CCNA2: variants seen among roughly 807,000 people sequenced by gnomAD.
CCNA2 encodes cyclin A2.
In CCNA2, 3 loss-of-function variants were observed where a neutral mutation model predicts 49.4. The ratio of observed to expected loss-of-function variants is 0.06; its 90% confidence interval spans 0.03 to 0.16. The LOEUF is 0.16. Ranked by LOEUF, CCNA2 falls within the 10% of genes least tolerant of loss-of-function variation. The pLI, the probability that CCNA2 is intolerant of heterozygous loss-of-function variation, is 1.00. For missense variants in CCNA2, 372 were observed against 519.7 expected, an observed-to-expected ratio of 0.72 and a Z score of 2.76; for synonymous variants, 206 against 197.2, an observed-to-expected ratio of 1.04 and a Z score of -0.37.
rs1157417493 is a variant in CCNA2 at position 121,823,833 on chromosome 4, T to G, written c.-205A>C. ...GGTTGCGAAAGGCGCAGGCAGGCAC[T>G]GCCCAGCGTGGCGAGCCAAAGACGC... On this transcript the variant is annotated 5_prime_UTR_variant, in exon 1 of 8. Coordinates refer to ENST00000274026, the MANE Select transcript of CCNA2 (RefSeq NM_001237.5). 2 of 938,914 alleles carry G rather than the reference T, an allele frequency of 2.1e-6. No homozygotes were observed. The highest frequency in any genetic ancestry group is 3.4e-5 in the Admixed American group (1 of 29,334). 58.2% of individuals were successfully genotyped at this position (938,914 alleles called of 1,614,324 possible).
At chr4:121,817,854 CCCTT>C (rs1482783217) in intron 7 of CCNA2, among the ~76,000 whole-genome samples, 168 bp from the exon 8 acceptor site, 1 of 152,120 alleles carries the variant, frequency 6.6e-6, no homozygotes, top group Admixed American at 6.6e-5. Flanking sequence ...CATGCATGCC[CCCTT>C]CCTTCTCTCT....
intron 2 of CCNA2, among the ~76,000 whole-genome samples, chr4:121,821,645 G>A (rs180785364): frequency 6.6e-6 from 1 of 152,146 alleles, no homozygotes; most frequent in Non-Finnish European, 1.5e-5. Context: ...GAAGCAAAGA[G>A]TATCATCCAT....
In CCNA2 at chr4:121,820,602, G is replaced by C. The variant is rs1724669057; in HGVS notation, c.734C>G (p.Ser245Cys). ...AVNYIDRFLS[S>C]MSVLRGKLQL... ...AAGTTTTCCTCTCAGCACTGACATG[G>C]AAGACAGGAACCTATCAATGTAGTT... is the stretch of plus-strand genomic sequence containing the variant. The change falls in exon 4 of 8, where the codon TCC becomes TGC. Residue 245 changes from serine to cysteine, a missense_variant. Coordinates refer to ENST00000274026, the MANE Select transcript of CCNA2 (RefSeq NM_001237.5). The surrounding 1 kb of genome is among the most constrained non-coding windows in gnomAD (Gnocchi z 4.1). The C allele has an allele frequency of 6.2e-7, 1 of 1,614,138 alleles. No homozygotes were observed. Among genetic ancestry groups the C allele is most frequent in the African/African-American group, 1.3e-5 (1 of 75,028 alleles).
At chr4:121,817,958 GCAGATTCATGAATA>G in intron 7 of CCNA2, 72 bp downstream of exon 7, 5 of 1,318,436 alleles carry the variant, frequency 3.8e-6, no homozygotes, top group Non-Finnish European at 5.3e-6. Flanking sequence ...GGAGGCTATG[GCAGATTCATGAATA>G]AGGTTAAAAT....
In CCNA2 at chr4:121,817,502, AATAG is replaced by A. The variant is rs149481287; in HGVS notation, c.*132_*135del. ...TACAAATTAAAACCATTTAAAAAGTAATAGATACCATAATTTGTACTTGGCCACA... is the reference window on the plus strand; with the variant it reads ...TACAAATTAAAACCATTTAAAAAGTAATACCATAATTTGTACTTGGCCACA... On this transcript the variant is annotated 3_prime_UTR_variant, in exon 8 of 8. Transcript: ENST00000274026. 8 of 969,996 alleles carry A rather than the reference AATAG, an allele frequency of 8.2e-6. No homozygotes were observed. Among genetic ancestry groups the A allele is most frequent in the Middle Eastern group, 6.4e-4 (2 of 3,140 alleles). The allele number at this position is 969,996 out of a possible 1,614,324, so 60.1% of individuals were successfully genotyped here.
In CCNA2 at chr4:121,816,818, CCAGTGAAAAGAAGAAAAAAGA is replaced by C. The variant is rs1413221592; in HGVS notation, c.*799_*819del. On this transcript the variant is annotated 3_prime_UTR_variant, in exon 8 of 8. Transcript: ENST00000274026. Reference sequence around the variant, plus strand: ...ACAAGAAAAAGCACCAAGTAAAAAGCCAGTGAAAAGAAGAAAAAAGAAGAGAGCTGCCAATTAAAGCTAACA... The same window carrying C: ...ACAAGAAAAAGCACCAAGTAAAAAGCAGAGAGCTGCCAATTAAAGCTAACA... 1.9e-6 allele frequency: 3 copies of C among 1,599,950 alleles called. No individual in the cohort carries two copies. The highest frequency in any genetic ancestry group is 2.6e-6 in the Non-Finnish European group (3 of 1,171,810).
chr4:121,823,393 G>A, intron 1 of CCNA2, 23 bp downstream of exon 1: 1 of 1,599,242 alleles, frequency 6.3e-7, no homozygotes, highest in Non-Finnish European at 8.5e-7. Flanking sequence ...CCACCCTCCT[G>A]CAGATATCCC....
chr4:121,818,285 C>T, intron 6 of CCNA2, 108 bp from the exon 7 acceptor site: 3 of 951,768 alleles, frequency 3.2e-6, no homozygotes, highest in Non-Finnish European at 4.7e-6. Context: ...TAATCTTTAA[C>T]TTTTCCAACT....
chr4:121,816,924 G>C lies in CCNA2; in HGVS notation c.*714C>G, dbSNP rs1724539749. On this transcript the variant is annotated 3_prime_UTR_variant, in exon 8 of 8. Coordinates refer to ENST00000274026, the MANE Select transcript of CCNA2 (RefSeq NM_001237.5). The stretch of plus-strand genomic sequence containing the variant: ...TATTTATTCCATTCTGAGAACCCTG[G>C]GTATTTTTTATTCACAAATCCATTA... 3.0e-5 allele frequency: 41 copies of C among 1,348,344 alleles called. No individual in the cohort carries two copies. In the South Asian group the frequency reaches 6.2e-4, roughly 20 times the overall value. The allele number at this position is 1,348,344 out of a possible 1,614,324, so 83.5% of individuals were successfully genotyped here. A position where few individuals can be genotyped will look rare whatever the true frequency, so the allele number is the denominator to read the frequency against.
chr4:121,816,898 ATATT>A lies in CCNA2; in HGVS notation c.*736_*739del. ...TCTGTATATATAACTATTAAAAGGG[ATATT>A]TATTCCATTCTGAGAACCCTGGGTA... On this transcript the variant is annotated 3_prime_UTR_variant, in exon 8 of 8. Transcript: ENST00000274026. The A allele has an allele frequency of 6.8e-7, 1 of 1,461,954 alleles. No homozygotes were observed. The highest frequency in any genetic ancestry group is 1.4e-5 in the South Asian group (1 of 74,064). 90.6% of individuals were successfully genotyped at this position (1,461,954 alleles called of 1,614,324 possible).
chr4:121,819,011 TC>T, intron 5 of CCNA2, 98 bp from the exon 6 acceptor site: 1 of 714,644 alleles, frequency 1.4e-6, no homozygotes, highest in South Asian at 1.6e-5. Flanking sequence ...TGATAACGGC[TC>T]TGTAGCAACT....
intron 6 of CCNA2, 78 bp from the exon 7 acceptor site, chr4:121,818,255 C>G: frequency 7.6e-7 from 1 of 1,313,976 alleles, no homozygotes; most frequent in South Asian, 1.4e-5. Context: ...TGGCATTAAG[C>G]TTATGTTAAA....
chr4:121,822,505 T>G lies in CCNA2; in HGVS notation c.355A>C (p.Lys119Gln), dbSNP rs747339409. ...GCCAGGGCATCTTCACGCTCTATTTTTTGAGATTCAGCTGGCTTCTTCTGA... is the reference window on the plus strand; with the variant it reads ...GCCAGGGCATCTTCACGCTCTATTTGTTGAGATTCAGCTGGCTTCTTCTGA... ...EAQKKPAESQ[K>Q]IEREDALAFN... is the part of the protein sequence containing the mutation. The change falls in exon 2 of 8, where the codon AAA becomes CAA. Residue 119 changes from lysine (K) to glutamine (Q), a missense_variant. By Grantham distance (53) the Lys-to-Gln change is moderately conservative. Coordinates refer to ENST00000274026, the MANE Select transcript of CCNA2 (RefSeq NM_001237.5). The G allele has an allele frequency of 1.2e-6, 2 of 1,614,196 alleles. No homozygotes were observed. Among genetic ancestry groups the G allele is most frequent in the South Asian group, 2.2e-5 (2 of 91,082 alleles).
chr4:121,823,681 C>A lies in CCNA2; in HGVS notation c.-53G>T. The A allele has an allele frequency of 6.6e-7, 1 of 1,510,100 alleles. No homozygotes were observed. Among genetic ancestry groups the A allele is most frequent in the Non-Finnish European group, 8.8e-7 (1 of 1,131,450 alleles). 93.5% of individuals were successfully genotyped at this position (1,510,100 alleles called of 1,614,324 possible). ...TCAGCCTGCGGCGCCAAGCAGCGTG[C>A]ACTCTGCCCAGCCGACCACTCGCAC... On this transcript the variant is annotated 5_prime_UTR_variant, in exon 1 of 8. Coordinates refer to ENST00000274026, the MANE Select transcript of CCNA2 (RefSeq NM_001237.5).
In CCNA2 at chr4:121,823,622, C is replaced by G; in HGVS notation, c.7G>C (p.Gly3Arg). 1 of 1,589,822 alleles carries G rather than the reference C, an allele frequency of 6.3e-7. No homozygotes were observed. Among genetic ancestry groups the G allele is most frequent in the Non-Finnish European group, 8.5e-7 (1 of 1,172,464 alleles). ML[G>R]NSAPGPATRE... is the part of the protein sequence containing the mutation. ...GTCGCAGGCCCCGGCGCAGAGTTGC[C>G]CAACATCACTGCTCCCGGGAGTGGA... The change falls in exon 1 of 8, where the codon GGC (glycine) becomes CGC (arginine). Residue 3 changes from glycine to arginine, a missense_variant. Transcript: ENST00000274026.
At chr4:121,818,986 A>G in intron 5 of CCNA2, 73 bp from the exon 6 acceptor site, 1 of 957,404 alleles carries the variant, frequency 1.0e-6, no homozygotes, top group Non-Finnish European at 1.7e-6. Context: ...TTCTAACCTA[A>G]TTTTTTCCTG....
Position 121,816,975 on chromosome 4 carries a change from A to C in CCNA2, c.*663T>G, listed in dbSNP as rs928789594. 2 of 1,085,454 alleles carry C rather than the reference A, an allele frequency of 1.8e-6. No individual in the cohort carries two copies. Among genetic ancestry groups the C allele is most frequent in the African/African-American group, 1.6e-5 (1 of 61,214 alleles). The allele number at this position is 1,085,454 out of a possible 1,614,324, so 67.2% of individuals were successfully genotyped here. ...TAAAATCTAGCAGGATTTTAAAAAT[A>C]GTTTTTTGTTTTTAATGTGCTTTAA... On this transcript the variant is annotated 3_prime_UTR_variant, in exon 8 of 8. Transcript: ENST00000274026.
chr4:121,822,662 T>C lies in CCNA2; in HGVS notation c.214-16A>G. The C allele has an allele frequency of 6.2e-7, 1 of 1,609,370 alleles. No homozygotes were observed. The highest frequency in any genetic ancestry group is 8.5e-7 in the Non-Finnish European group (1 of 1,178,024). ...GGGGTGCAACCTAAAAAAAAATTAATAACTGGCTTTGAGCCTACTAGTCTT... is the reference window on the plus strand; with the variant it reads ...GGGGTGCAACCTAAAAAAAAATTAACAACTGGCTTTGAGCCTACTAGTCTT... On this transcript the variant is annotated splice_polypyrimidine_tract_variant and intron_variant, in intron 1 of 7. Transcript: ENST00000274026.
rs781481913 is a variant in CCNA2, at chr4:121,820,291, G to A, written c.794+251C>T. ...GCTTATATGCCAGAAAGTAATATTG[G>A]AAGGAAAATGTTTTAAAATTTGTAA... On this transcript the variant is annotated intron_variant, in intron 4 of 7. Transcript: ENST00000274026. This position sits in a 1 kb window ranked among gnomAD's most constrained non-coding sequence, Gnocchi z 4.1. Among the ~76,000 whole-genome samples, 6 of 152,100 alleles carry A rather than the reference G, an allele frequency of 3.9e-5. No homozygotes were observed. Among genetic ancestry groups the A allele is most frequent in the Admixed American group, 6.5e-5 (1 of 15,278 alleles).
Sources: gnomAD v4.1 joint callset for allele counts (sites outside exome capture counted in the v4.1 genomes callset) on GRCh38, gnomAD v4.1.1 for gene constraint, Gnocchi (gnomAD v3.1) non-coding constraint, MANE v1.5 for transcripts, NCBI Gene and HGNC (gene_info 2026-07-23, HGNC 2026-07-21) for gene names.